The following BRD3 variants were observed in gnomAD, a reference collection of about 807,000 sequenced individuals.
BRD3 encodes bromodomain containing 3.
BRD3 carries 17 observed loss-of-function variants against 66.8 expected under a neutral mutation model. The observed-to-expected ratio is 0.25, with a 90% CI of 0.17 to 0.38. The LOEUF (loss-of-function observed/expected upper bound fraction) is 0.38. BRD3 is among the 10% of genes least tolerant of loss of function. The pLI is 1.00. For missense variants in BRD3, 713 were observed against 956.1 expected (o/e 0.75, Z 3.35); for synonymous variants, 421 against 393.2 (o/e 1.07, Z -0.84).
rs77728685 is a variant in BRD3 at position 134,037,188 on chromosome 9, C to G, written c.1644-864G>C. On this transcript the variant is annotated intron_variant, in intron 9 of 11. Transcript: ENST00000303407. ...AGGAAAAAAGTGAGAAAAAAATATA[C>G]CATGCAAACACTAGTCAAAAGAAAG... Among the ~76,000 whole-genome samples, 186 of 152,142 alleles carry G rather than the reference C, an allele frequency of 1.2e-3. 2 individuals carry two copies. The highest frequency in any genetic ancestry group is 1.9e-3 in the East Asian group (10 of 5,188).
chr9:134,062,391 C>T lies in BRD3; in HGVS notation c.-114+5554G>A, dbSNP rs76208311. 6.4e-3 allele frequency among the ~76,000 whole-genome samples: 982 copies of T among 152,284 alleles called. 9 individuals carry two copies. Among genetic ancestry groups the T allele is most frequent in the African/African-American group, 8.0e-3 (333 of 41,568 alleles). On this transcript the variant is annotated intron_variant, in intron 1 of 11. Transcript: ENST00000303407. Reference sequence around the variant, plus strand: ...GTGCAGCTGCCAGCGCTGCCTCTCCCGTGACTGTCCCCTGCACCCCACAGT... The same window carrying T: ...GTGCAGCTGCCAGCGCTGCCTCTCCTGTGACTGTCCCCTGCACCCCACAGT...
intron 6 of BRD3, among the ~76,000 whole-genome samples, chr9:134,046,719 G>A (rs914622780): frequency 2.0e-5 from 3 of 152,198 alleles, no homozygotes; most frequent in Non-Finnish European, 4.4e-5. Flanking sequence ...CAGCGTCCGG[G>A]CCACAGTCGC....
intron 7 of BRD3, among the ~76,000 whole-genome samples, chr9:134,044,670 T>C (rs572397828): frequency 2.0e-5 from 3 of 152,136 alleles, no homozygotes; most frequent in Admixed American, 6.5e-5. Context: ...GGCAGAAAAA[T>C]GCACACGCAG....
At chr9:134,064,848 A>T (rs955811295) in intron 1 of BRD3, among the ~76,000 whole-genome samples, 3 of 152,188 alleles carry the variant, frequency 2.0e-5, no homozygotes, top group African/African-American at 7.2e-5. Flanking sequence ...AGAAAACCCT[A>T]TGCTCCGCCA....
At chr9:134,051,078 G>A (rs1830283628) in intron 4 of BRD3, among the ~76,000 whole-genome samples, 1 of 152,180 alleles carries the variant, frequency 6.6e-6, no homozygotes, top group Non-Finnish European at 1.5e-5. Context: ...TGGGATCCTG[G>A]GGCTCACGAC....
chr9:134,032,273 C>T lies in BRD3; in HGVS notation c.*1317G>A, dbSNP rs1843521585. 4.6e-6 allele frequency: 1 copy of T among 218,288 alleles called. No homozygotes were observed. Among genetic ancestry groups the T allele is most frequent in the Non-Finnish European group, 9.2e-6 (1 of 108,788 alleles). 13.5% of individuals were successfully genotyped at this position (218,288 alleles called of 1,614,324 possible). A position where few individuals can be genotyped will look rare whatever the true frequency, so the allele number is the denominator to read the frequency against. ...CTTAGATTTACTATACATTTTTTCT[C>T]TCAGATTACAAAGTTTATATTATAT... On this transcript the variant is annotated 3_prime_UTR_variant, in exon 12 of 12. Coordinates refer to ENST00000303407, the MANE Select transcript of BRD3 (RefSeq NM_007371.4).
At chr9:134,036,822 C>A (rs1462409755) in intron 9 of BRD3, among the ~76,000 whole-genome samples, 1 of 151,814 alleles carries the variant, frequency 6.6e-6, no homozygotes, top group Non-Finnish European at 1.5e-5. Context: ...TCCTGGCTAC[C>A]ACGGTGAAAC....
chr9:134,062,967 G>A (rs981119131), intron 1 of BRD3, among the ~76,000 whole-genome samples: 7 of 152,132 alleles, frequency 4.6e-5, no homozygotes, highest in South Asian at 2.1e-4. Flanking sequence ...ACAAAGCTGC[G>A]GCAGGCCCAC....
intron 7 of BRD3, among the ~76,000 whole-genome samples, chr9:134,043,564 A>G (rs780395865): frequency 6.6e-5 from 10 of 152,140 alleles, no homozygotes; most frequent in Non-Finnish European, 1.3e-4. Context: ...AGGCAACCCA[A>G]CCCACAGAGC....
At chr9:134,058,873 C>T (rs1463681958) in intron 1 of BRD3, 1 of 152,328 alleles carries the variant, frequency 6.6e-6, no homozygotes, top group Non-Finnish European at 1.5e-5. Context: ...TTTTATAGTC[C>T]AGGAAGGGGT....
At chr9:134,055,579 C>T (rs987169253) in intron 1 of BRD3, among the ~76,000 whole-genome samples, 2 of 152,196 alleles carry the variant, frequency 1.3e-5, no homozygotes, top group African/African-American at 2.4e-5. Context: ...AGAGAGCTCA[C>T]GCCAGTTATG....
intron 1 of BRD3, chr9:134,057,445 A>G: frequency 6.6e-6 from 1 of 152,350 alleles, no homozygotes; most frequent in Non-Finnish European, 1.5e-5. Context: ...AGGTGAGGTG[A>G]GGTGGGAGCA....
chr9:134,049,071 G>A (rs1019603280), intron 5 of BRD3, among the ~76,000 whole-genome samples: 2 of 152,134 alleles, frequency 1.3e-5, no homozygotes, highest in Non-Finnish European at 2.9e-5. Flanking sequence ...CTCCATCCCA[G>A]CAGCAGTGGG....
In BRD3 at chr9:134,041,998, C is replaced by A; in HGVS notation, c.1216-47G>T. 3.3e-6 allele frequency: 5 copies of A among 1,502,838 alleles called. No individual in the cohort carries two copies. The African/African-American group carries it at 4.2e-5, about 13-fold the overall frequency. 93.1% of individuals were successfully genotyped at this position (1,502,838 alleles called of 1,614,324 possible). Reference sequence around the variant, plus strand: ...CCTGAAGACATGGGTGCCCATGGGGCTGCCCCTTGGTGTGGGCCCTCAGGG... The same window carrying A: ...CCTGAAGACATGGGTGCCCATGGGGATGCCCCTTGGTGTGGGCCCTCAGGG... On this transcript the variant is annotated intron_variant, in intron 7 of 11. Transcript: ENST00000303407.
At chr9:134,061,647 C>T (rs112293451) in intron 1 of BRD3, among the ~76,000 whole-genome samples, 1,829 of 152,322 alleles carry the variant, frequency 0.012, 30 homozygotes, top group African/African-American at 0.036. Flanking sequence ...CACTCCAGCC[C>T]GTCTCCTGGA....
At chr9:134,040,563 T>A (rs927131505) in intron 8 of BRD3, among the ~76,000 whole-genome samples, 4 of 151,974 alleles carry the variant, frequency 2.6e-5, no homozygotes, top group Admixed American at 2.0e-4. Context: ...GCTAACTTTT[T>A]AAAAAAAATG....
At chr9:134,050,942 G>A (rs1425747110) in intron 4 of BRD3, among the ~76,000 whole-genome samples, 1 of 152,188 alleles carries the variant, frequency 6.6e-6, no homozygotes, top group Non-Finnish European at 1.5e-5. Context: ...AGTGACCAAC[G>A]ATGTGGCCGT....
chr9:134,067,695 G>A (rs1398735394), intron 1 of BRD3, among the ~76,000 whole-genome samples: 2 of 145,936 alleles, frequency 1.4e-5, no homozygotes, highest in East Asian at 2.0e-4. Context: ...GGAGCGGGAG[G>A]AGGGGAGCGG....
At position 134,030,554 on chromosome 9, in the gene BRD3, A is replaced by G. The variant is rs1234033986; in HGVS notation, c.*3036T>C. On this transcript the variant is annotated 3_prime_UTR_variant, in exon 12 of 12. Coordinates refer to ENST00000303407, the MANE Select transcript of BRD3 (RefSeq NM_007371.4). ...AAAGTTACGGTAAACTTGCATGCACATCATACAGAAAAGTAACATTTTAAA... is the reference window on the plus strand; with the variant it reads ...AAAGTTACGGTAAACTTGCATGCACGTCATACAGAAAAGTAACATTTTAAA... 9 of 215,278 alleles carry G rather than the reference A, an allele frequency of 4.2e-5. No homozygotes were observed. The highest frequency in any genetic ancestry group is 8.4e-5 in the Non-Finnish European group (9 of 106,912). 13.3% of individuals were successfully genotyped at this position (215,278 alleles called of 1,614,324 possible). A position where few individuals can be genotyped will look rare whatever the true frequency, so the allele number is the denominator to read the frequency against.
Sources: allele counts gnomAD v4.1 joint callset (sites outside exome capture counted in the v4.1 genomes callset), GRCh38; gene constraint gnomAD v4.1.1; transcripts MANE v1.5; gene names NCBI Gene and HGNC (gene_info 2026-07-23, HGNC 2026-07-21).